QTMAN: variants seen among roughly 807,000 people sequenced by gnomAD.
QTMAN encodes queuosine-tRNA mannosyltransferase, also known as tRNA-queuosine alpha-mannosyltransferase.
chr2:144,266,342 T>C, the QTMAN span, among the ~76,000 whole-genome samples: 1 of 152,200 alleles, frequency 6.6e-6, no homozygotes, highest in East Asian at 1.9e-4. Context: ...TAAAAAAGAA[T>C]CAGAGCTTGG....
chr2:144,011,895 AT>A, the QTMAN span: 1 of 187,260 alleles, frequency 5.3e-6, no homozygotes, highest in Non-Finnish European at 1.0e-5. Context: ...TAATCCACAT[AT>A]GTCAGGTTTC....
the QTMAN span, among the ~76,000 whole-genome samples, chr2:144,147,990 A>C: frequency 6.6e-6 from 1 of 151,882 alleles, no homozygotes; most frequent in African/African-American, 2.4e-5. Context: ...AGACTAAAGG[A>C]AATAAAGACA....
chr2:144,190,359 T>TA, the QTMAN span, among the ~76,000 whole-genome samples: 78 of 152,108 alleles, frequency 5.1e-4, no homozygotes, highest in South Asian at 0.012. Context: ...AACCAGAAAA[T>TA]AAAAAAATAT....
chr2:144,191,471 A>C, the QTMAN span, among the ~76,000 whole-genome samples: 1 of 152,240 alleles, frequency 6.6e-6, no homozygotes, highest in Non-Finnish European at 1.5e-5. Flanking sequence ...ATAATGGAGT[A>C]TTAGAAAATC....
the QTMAN span, among the ~76,000 whole-genome samples, chr2:144,207,234 A>G: frequency 6.6e-6 from 1 of 152,200 alleles, no homozygotes; most frequent in African/African-American, 2.4e-5. Flanking sequence ...CTAAAACAGC[A>G]TTTTACCTTT....
the QTMAN span, among the ~76,000 whole-genome samples, chr2:144,332,841 C>G: frequency 6.6e-6 from 1 of 152,226 alleles, no homozygotes; most frequent in East Asian, 1.9e-4. Context: ...TACTCTTTCC[C>G]CAACCTCCTA....
the QTMAN span, among the ~76,000 whole-genome samples, chr2:143,990,104 A>C: frequency 6.6e-6 from 1 of 151,898 alleles, no homozygotes; most frequent in Non-Finnish European, 1.5e-5. Flanking sequence ...CCACTGTCCT[A>C]TAAAGTCTTA....
chr2:143,999,098 CAA>C, the QTMAN span, among the ~76,000 whole-genome samples: 2 of 151,990 alleles, frequency 1.3e-5, no homozygotes, highest in East Asian at 1.9e-4. Flanking sequence ...TCCCCCTAAA[CAA>C]AAAAGTTTCT....
chr2:144,057,783 A>G, the QTMAN span, among the ~76,000 whole-genome samples: 12 of 152,328 alleles, frequency 7.9e-5, no homozygotes, highest in Middle Eastern at 6.8e-3. Flanking sequence ...AAACTCCCAC[A>G]TGGAAACATT....
the QTMAN span, among the ~76,000 whole-genome samples, chr2:144,198,486 TG>T: frequency 1.1e-4 from 16 of 152,216 alleles, no homozygotes; most frequent in South Asian, 3.1e-3. Flanking sequence ...ACTAAGCTGG[TG>T]GAATATAAGC....
the QTMAN span, among the ~76,000 whole-genome samples, chr2:144,070,726 A>C: frequency 6.6e-6 from 1 of 152,166 alleles, no homozygotes; most frequent in Non-Finnish European, 1.5e-5. Context: ...TCTACTATAT[A>C]ACATGACTTT....
the QTMAN span, among the ~76,000 whole-genome samples, chr2:144,274,279 G>C: frequency 1.3e-5 from 2 of 152,200 alleles, no homozygotes; most frequent in East Asian, 3.8e-4. Flanking sequence ...GAGCTCCTAA[G>C]ACGTTTGTAA....
At chr2:144,040,628 C>A in the QTMAN span, among the ~76,000 whole-genome samples, 1 of 150,996 alleles carries the variant, frequency 6.6e-6, no homozygotes, top group African/African-American at 2.4e-5. Context: ...ATAACTGGAA[C>A]GAAAGAAAAG....
At chr2:144,080,462 T>G in the QTMAN span, among the ~76,000 whole-genome samples, 45 of 152,252 alleles carry the variant, frequency 3.0e-4, no homozygotes, top group African/African-American at 1.1e-3. Flanking sequence ...TACCTGGAGC[T>G]TCAGCAATAT....
chr2:144,298,043 G>C, the QTMAN span, among the ~76,000 whole-genome samples: 1 of 150,882 alleles, frequency 6.6e-6, no homozygotes, highest in Non-Finnish European at 1.5e-5. Flanking sequence ...TTTTGAGATG[G>C]AGTCTCGCTC....
chr2:144,012,188 T>C, the QTMAN span, among the ~76,000 whole-genome samples: 1 of 152,114 alleles, frequency 6.6e-6, no homozygotes, highest in East Asian at 1.9e-4. Flanking sequence ...GCCAGTATGG[T>C]TCCAGAAGCA....
chr2:144,141,211 A>G, the QTMAN span, among the ~76,000 whole-genome samples: 4 of 151,924 alleles, frequency 2.6e-5, no homozygotes, highest in East Asian at 7.7e-4. Context: ...TCCTAGTGGT[A>G]GTAAAAACAG....
the QTMAN span, among the ~76,000 whole-genome samples, chr2:144,277,065 T>C: frequency 2.6e-5 from 4 of 152,202 alleles, no homozygotes; most frequent in South Asian, 2.1e-4. Context: ...AGTTCTAGTA[T>C]GAAGTAAGGC....
chr2:144,069,739 C>T, the QTMAN span, among the ~76,000 whole-genome samples: 3 of 151,402 alleles, frequency 2.0e-5, no homozygotes, highest in Admixed American at 1.3e-4. Context: ...TTCTTTCCAA[C>T]GTTAAACATT....
Sources: gnomAD v4.1 joint callset for allele counts (sites outside exome capture counted in the v4.1 genomes callset) on GRCh38, gnomAD v4.1.1 for gene constraint, MANE v1.5 for transcripts, NCBI Gene and HGNC (gene_info 2026-07-23, HGNC 2026-07-21) for gene names.